The following USH2A variants were observed in gnomAD, a reference collection of about 807,000 sequenced individuals.
The protein encoded by USH2A is usherin.
Under a neutral mutation model 538.9 loss-of-function variants are expected in USH2A, and 443 were observed. The observed-to-expected ratio is 0.82, with a 90% CI of 0.76 to 0.89. The LOEUF (loss-of-function observed/expected upper bound fraction) is 0.89. Among genes scored for constraint, USH2A ranks in the 40% least tolerant of loss-of-function variants. The probability of loss-of-function intolerance (pLI) is 0.00; values close to 1 mark genes in which losing one functional copy is unlikely to be tolerated. For synonymous variants in USH2A, 2,413 were observed against 2,273.5 expected (o/e 1.06, Z -1.75); for missense variants, 6,633 against 6,324.8 (o/e 1.05, Z -1.65).
chr1:216,152,713 TCTA>T (rs2033864293), intron 21 of USH2A, among the ~76,000 whole-genome samples: 2 of 152,108 alleles, frequency 1.3e-5, no homozygotes, highest in African/African-American at 4.8e-5. Flanking sequence ...AGGGAACAAG[TCTA>T]CTGGTGATAA....
At chr1:216,128,808 T>C (rs912539068) in intron 21 of USH2A, among the ~76,000 whole-genome samples, 1 of 152,070 alleles carries the variant, frequency 6.6e-6, no homozygotes, top group African/African-American at 2.4e-5. Context: ...TTGTTAATTA[T>C]AGTCACACTA....
chr1:216,349,380 G>A (rs2038235101), intron 4 of USH2A, among the ~76,000 whole-genome samples: 1 of 151,990 alleles, frequency 6.6e-6, no homozygotes, highest in South Asian at 2.1e-4. Flanking sequence ...CTTGAATAGG[G>A]GCTCCGTAAA....
In USH2A at chr1:215,675,098, T is replaced by C; in HGVS notation, c.12813A>G (p.Ile4271Met). Reference sequence around the variant, plus strand: ...TTTGGGGATTCATAGAAACATAGGATATCACAGGTGGAGAGAGACCTTCTG... The same window carrying C: ...TTTGGGGATTCATAGAAACATAGGACATCACAGGTGGAGAGAGACCTTCTG... Reference protein sequence around the residue: ...APPEGLSPPVISYVSMNPQKL... With the variant: ...APPEGLSPPVMSYVSMNPQKL... The change falls in exon 63 of 72, where the codon ATA becomes ATG. Residue 4271 changes from isoleucine to methionine, a missense_variant. Transcript: ENST00000307340. 1 of 1,614,088 alleles carries C rather than the reference T, an allele frequency of 6.2e-7. No homozygotes were observed. Among genetic ancestry groups the C allele is most frequent in the Middle Eastern group, 1.6e-4 (1 of 6,062 alleles).
intron 21 of USH2A, among the ~76,000 whole-genome samples, chr1:216,113,860 T>C (rs941014087): frequency 2.0e-5 from 3 of 151,894 alleles, no homozygotes; most frequent in Middle Eastern, 6.8e-3. Flanking sequence ...ATTTTCTGTA[T>C]TTTTATATTT....
chr1:216,332,638 C>A (rs150966622), intron 4 of USH2A, among the ~76,000 whole-genome samples: 1 of 152,078 alleles, frequency 6.6e-6, no homozygotes, highest in East Asian at 1.9e-4. Context: ...CTGCAACATG[C>A]GTACAGATCT....
At chr1:216,124,637 C>T (rs2033211977) in intron 21 of USH2A, among the ~76,000 whole-genome samples, 1 of 152,164 alleles carries the variant, frequency 6.6e-6, no homozygotes, top group Non-Finnish European at 1.5e-5. Flanking sequence ...CAACCTTACA[C>T]CGAGTTTTAA....
At chr1:215,889,960 CTGT>C (rs1206031849) in intron 40 of USH2A, among the ~76,000 whole-genome samples, 1 of 152,170 alleles carries the variant, frequency 6.6e-6, no homozygotes, top group Non-Finnish European at 1.5e-5. Context: ...ATTTGAAGGG[CTGT>C]TAAGTTTTTC....
intron 35 of USH2A, 33 bp from the exon 36 acceptor site, chr1:215,970,809 T>A: frequency 1.9e-6 from 3 of 1,605,478 alleles, no homozygotes; most frequent in Non-Finnish European, 2.6e-6. Context: ...TCAGTATGAC[T>A]ACTAGACAAT....
intron 23 of USH2A, 196 bp from the exon 24 acceptor site, chr1:216,087,016 C>T (rs1385485405): frequency 2.7e-5 from 15 of 557,734 alleles, no homozygotes; most frequent in Admixed American, 1.4e-4. Flanking sequence ...TGATCCAGAC[C>T]GCCTGCCTCT....
At chr1:215,647,784 T>C (rs1268404992) in intron 66 of USH2A, 54 bp from the exon 67 acceptor site, 4 of 1,593,262 alleles carry the variant, frequency 2.5e-6, no homozygotes, top group Non-Finnish European at 3.4e-6. Context: ...TTAGTTTAAC[T>C]CTCTCTTTTA....
At chr1:215,953,445 C>G (rs2102443263) in intron 37 of USH2A, among the ~76,000 whole-genome samples, 1 of 152,110 alleles carries the variant, frequency 6.6e-6, no homozygotes, top group East Asian at 1.9e-4. Flanking sequence ...GCAAACCTGA[C>G]AAAAACAAGA....
At chr1:215,800,706 A>C (rs1204756832) in intron 49 of USH2A, among the ~76,000 whole-genome samples, 3 of 152,188 alleles carry the variant, frequency 2.0e-5, no homozygotes, top group Non-Finnish European at 2.9e-5. Context: ...ATAAATAATA[A>C]GACAATAACT....
intron 37 of USH2A, among the ~76,000 whole-genome samples, chr1:215,936,009 C>A (rs773205335): frequency 6.6e-6 from 1 of 151,964 alleles, no homozygotes; most frequent in African/African-American, 2.4e-5. Context: ...TGTGTCACTG[C>A]ACTCCAGCTT....
chr1:216,273,213 A>T (rs1355525069), intron 11 of USH2A, among the ~76,000 whole-genome samples: 2 of 152,116 alleles, frequency 1.3e-5, no homozygotes, highest in Non-Finnish European at 2.9e-5. Flanking sequence ...CCTAAAGTTC[A>T]GTGAGCCAAT....
chr1:216,344,129 T>C (rs1367723070), intron 4 of USH2A, among the ~76,000 whole-genome samples: 1 of 152,110 alleles, frequency 6.6e-6, no homozygotes, highest in Non-Finnish European at 1.5e-5. Flanking sequence ...GAAATGTGCA[T>C]TGCTTGGCAA....
chr1:216,355,125 T>C (rs2038358877), intron 4 of USH2A, among the ~76,000 whole-genome samples: 1 of 151,886 alleles, frequency 6.6e-6, no homozygotes, highest in East Asian at 1.9e-4. Context: ...CTGGCCAACA[T>C]GGTGAAACAC....
intron 43 of USH2A, among the ~76,000 whole-genome samples, chr1:215,871,887 A>G (rs79321167): frequency 0.035 from 5,361 of 152,298 alleles, 157 homozygotes; most frequent in East Asian, 0.14. Context: ...AGGGCAAAAT[A>G]TGTGAAGGCT....
chr1:216,316,721 G>T (rs1359810469), intron 9 of USH2A, among the ~76,000 whole-genome samples: 1 of 152,118 alleles, frequency 6.6e-6, no homozygotes, highest in Non-Finnish European at 1.5e-5. Flanking sequence ...GTTTTGATAT[G>T]CATTTCTCTA....
intron 36 of USH2A, among the ~76,000 whole-genome samples, chr1:215,969,680 T>C (rs1177690366): frequency 6.6e-6 from 1 of 152,048 alleles, no homozygotes; most frequent in East Asian, 1.9e-4. Context: ...GCTCCGCCGA[T>C]GGATGGTGTT....
Sources: allele counts gnomAD v4.1 joint callset (sites outside exome capture counted in the v4.1 genomes callset), GRCh38; gene constraint gnomAD v4.1.1; transcripts MANE v1.5; gene names NCBI Gene and HGNC (gene_info 2026-07-23, HGNC 2026-07-21).